Variants in EBF4 observed in about 807,000 individuals in gnomAD.
EBF4 encodes transcription factor COE4.
Under a neutral mutation model 67.1 loss-of-function variants are expected in EBF4, and 34 were observed. The observed-to-expected ratio is 0.51, with a 90% CI of 0.39 to 0.67. The LOEUF is 0.67. Among genes scored for constraint, EBF4 ranks in the 30% least tolerant of loss-of-function variants. The pLI, the probability that EBF4 is intolerant of heterozygous loss-of-function variation, is 0.00. For synonymous variants in EBF4, 387 were observed against 377.7 expected (o/e 1.02, Z -0.29); for missense variants, 837 against 873.3 (o/e 0.96, Z 0.52).
chr20:2,728,533 G>A (rs559252728), intron 6 of EBF4, among the ~76,000 whole-genome samples: 4 of 152,142 alleles, frequency 2.6e-5, no homozygotes, highest in Non-Finnish European at 5.9e-5. Flanking sequence ...GGGGCGGGGG[G>A]TTGAAGGGAC....
Position 2,752,272 on chromosome 20 carries a change from G to A in EBF4, c.1351+9G>A. On this transcript the variant is annotated intron_variant, in intron 13 of 16. Transcript: ENST00000609451. ...CCCGGGGCCCGAGCCGGGTGCGTGG[G>A]CCGCGCCTCCCCGCCGTCCTCGGGC... 1.6e-6 allele frequency: 2 copies of A among 1,232,394 alleles called. No individual in the cohort carries two copies. The highest frequency in any genetic ancestry group is 2.0e-6 in the Non-Finnish European group (2 of 990,672). The allele number at this position is 1,232,394 out of a possible 1,614,324, so 76.3% of individuals were successfully genotyped here.
chr20:2,757,473 A>G (rs1018444594), intron 15 of EBF4, among the ~76,000 whole-genome samples: 1 of 151,926 alleles, frequency 6.6e-6, no homozygotes, highest in African/African-American at 2.4e-5. Context: ...CGGGAGGGCA[A>G]GGGGGCTGCT....
At position 2,730,146 on chromosome 20, in the gene EBF4, T is replaced by C. The variant is rs567992425; in HGVS notation, c.558-18403T>C. ...TTAGTGTATTAGTTTCCTAAGGCTG[T>C]CCTAACAAATTACTGCAAGCTTGGT... On this transcript the variant is annotated intron_variant, in intron 6 of 16. Transcript: ENST00000609451. Among the ~76,000 whole-genome samples the C allele has an allele frequency of 1.5e-3, 225 of 152,304 alleles. 1 individual carries two copies. The highest frequency in any genetic ancestry group is 2.5e-3 in the Non-Finnish European group (173 of 68,014).
intron 15 of EBF4, chr20:2,758,692 G>A (rs1484671972): frequency 1.7e-6 from 1 of 588,892 alleles, no homozygotes; most frequent in Non-Finnish European, 3.0e-6. Context: ...TCTCTTGAGG[G>A]AGGTAGGGAG....
intron 10 of EBF4, among the ~76,000 whole-genome samples, chr20:2,750,512 C>T (rs1050692121): frequency 1.3e-5 from 2 of 152,090 alleles, no homozygotes; most frequent in Admixed American, 6.5e-5. Context: ...CCCAGCCTGG[C>T]TCTATTTGGC....
intron 1 of EBF4, among the ~76,000 whole-genome samples, chr20:2,697,511 C>T (rs1050316000): frequency 2.0e-5 from 3 of 150,402 alleles, no homozygotes; most frequent in South Asian, 2.1e-4. Context: ...CGCCACTGCA[C>T]TCCAGCCTGG....
chr20:2,749,031 C>T (rs913616289), intron 7 of EBF4, among the ~76,000 whole-genome samples: 3 of 152,216 alleles, frequency 2.0e-5, no homozygotes, highest in Admixed American at 2.0e-4. Context: ...GCTCCTGCTG[C>T]TGAGTTCTCC....
chr20:2,749,608 C>T lies in EBF4; in HGVS notation c.758-12C>T, dbSNP rs756793562. Reference sequence around the variant, plus strand: ...CGCGGTCCCCTGACCTGGGTCCTCTCCTGCCTCCCAGCTGCCACCCCCTGC... The same window carrying T: ...CGCGGTCCCCTGACCTGGGTCCTCTTCTGCCTCCCAGCTGCCACCCCCTGC... On this transcript the variant is annotated splice_polypyrimidine_tract_variant and intron_variant, in intron 8 of 16. Transcript: ENST00000609451. The T allele has an allele frequency of 3.9e-6, 6 of 1,552,848 alleles. No homozygotes were observed. In the South Asian group the frequency reaches 4.8e-5, roughly 12 times the overall value.
At chr20:2,718,202 A>G (rs1413637561) in intron 6 of EBF4, among the ~76,000 whole-genome samples, 1 of 152,090 alleles carries the variant, frequency 6.6e-6, no homozygotes. Flanking sequence ...TCTACTTTAC[A>G]TTTTGTTAAG....
chr20:2,744,407 G>A (rs2088016261), intron 6 of EBF4, among the ~76,000 whole-genome samples: 1 of 151,642 alleles, frequency 6.6e-6, no homozygotes, highest in Admixed American at 6.6e-5. Context: ...CTCCAGTGAA[G>A]CATTGTCCGA....
upstream of EBF4, chr20:2,693,550 G>A (rs896577929): frequency 3.1e-6 from 4 of 1,274,316 alleles, no homozygotes; most frequent in African/African-American, 1.6e-5. The surrounding 1 kb of genome is among the most constrained non-coding windows in gnomAD (Gnocchi z 4.6). Flanking sequence ...GCTGCTGGAG[G>A]CGCCTGGTGC....
chr20:2,698,882 C>T (rs1237425004), intron 1 of EBF4, among the ~76,000 whole-genome samples: 2 of 152,136 alleles, frequency 1.3e-5, no homozygotes, highest in African/African-American at 4.8e-5. Flanking sequence ...GAAGGCAAGA[C>T]GCCTGGGGGT....
At chr20:2,719,664 C>T (rs1393009984) in intron 6 of EBF4, among the ~76,000 whole-genome samples, 2 of 152,190 alleles carry the variant, frequency 1.3e-5, no homozygotes, top group Non-Finnish European at 2.9e-5. Context: ...CTCAGCCTCC[C>T]AAAGTACTGG....
At chr20:2,710,297 C>T (rs568529980) in intron 6 of EBF4, among the ~76,000 whole-genome samples, 5 of 152,152 alleles carry the variant, frequency 3.3e-5, no homozygotes, top group Admixed American at 6.5e-5. Context: ...TACAAGGACA[C>T]GCCTCCACAC....
At chr20:2,717,357 G>A (rs187387401) in intron 6 of EBF4, among the ~76,000 whole-genome samples, 3 of 152,240 alleles carry the variant, frequency 2.0e-5, no homozygotes, top group East Asian at 1.9e-4. Context: ...AATAATTATT[G>A]TAAGTCTTTA....
At chr20:2,706,289 G>A (rs2087457564) in intron 4 of EBF4, 25 bp downstream of exon 4, 1 of 1,543,664 alleles carries the variant, frequency 6.5e-7, no homozygotes, top group Non-Finnish European at 8.7e-7. Context: ...AGGGTGCTGA[G>A]GCCCATCTCA....
intron 6 of EBF4, among the ~76,000 whole-genome samples, chr20:2,746,768 A>G (rs2088056511): frequency 6.6e-6 from 1 of 152,184 alleles, no homozygotes; most frequent in South Asian, 2.1e-4. Flanking sequence ...GGACTCTTGT[A>G]TTTGCTTTAG....
chr20:2,752,788 T>C (rs1171303285), intron 14 of EBF4, among the ~76,000 whole-genome samples: 3 of 152,234 alleles, frequency 2.0e-5, no homozygotes, highest in East Asian at 1.9e-4. Flanking sequence ...CTTTTAGCCT[T>C]CTTTGCCGGT....
At chr20:2,717,621 T>C (rs1600216399) in intron 6 of EBF4, among the ~76,000 whole-genome samples, 1 of 152,322 alleles carries the variant, frequency 6.6e-6, no homozygotes, top group East Asian at 1.9e-4. Flanking sequence ...GAAATGCAAC[T>C]ATTTTTGCAT....
Sources: allele counts gnomAD v4.1 joint callset (sites outside exome capture counted in the v4.1 genomes callset), GRCh38; gene constraint gnomAD v4.1.1; non-coding constraint Gnocchi (gnomAD v3.1); transcripts MANE v1.5; gene names NCBI Gene and HGNC (gene_info 2026-07-23, HGNC 2026-07-21).